Variants in JUND observed in about 807,000 individuals in gnomAD.
JUND encodes JunD proto-oncogene, AP-1 transcription factor subunit.
In JUND, 2 loss-of-function variants were observed where a neutral mutation model predicts 7.1. The ratio of observed to expected loss-of-function variants is 0.28; its 90% CI spans 0.11 to 0.88. JUND has a LOEUF of 0.88. Among genes scored for constraint, JUND ranks in the 40% least tolerant of loss-of-function variants. The probability of loss-of-function intolerance (pLI) is 0.60; values close to 1 mark genes in which losing one functional copy is unlikely to be tolerated. For synonymous variants in JUND, 335 were observed against 263.2 expected, an observed-to-expected ratio of 1.27 and a Z score of -2.64; for missense variants, 479 against 519.1, an observed-to-expected ratio of 0.92 and a Z score of 0.75.
chr19:18,281,550 C>T lies in JUND; in HGVS notation c.-66G>A, dbSNP rs1438158190. 1 of 784,286 alleles carries T rather than the reference C, an allele frequency of 1.3e-6. No individual in the cohort carries two copies. Among genetic ancestry groups the T allele is most frequent in the Non-Finnish European group, 1.6e-6 (1 of 624,294 alleles). 48.6% of individuals were successfully genotyped at this position (784,286 alleles called of 1,614,324 possible). ...CGCGGCCTCCCGGGGGGCCCGCGCC[C>T]CCCCGTCCGCTCGGCCCTGCGCCCG... On this transcript the variant is annotated 5_prime_UTR_variant, in exon 1 of 1. Transcript: ENST00000252818.
rs372128151 is a variant in JUND, at chr19:18,280,492, G to A, written c.993C>T (p.His331=). ...VAQLKQKVLS[H]VNSGCQLLPQ... ...GCAGCAGCTGGCAGCCGCTGTTGAC[G>A]TGGCTGAGGACTTTCTGCTTGAGCT... The change falls in exon 1 of 1, where the codon CAC becomes CAT. Residue 331 remains histidine, a synonymous_variant. Coordinates refer to ENST00000252818, the MANE Select transcript of JUND (RefSeq NM_005354.6). The surrounding 1 kb of genome is among the most constrained non-coding windows in gnomAD (Gnocchi z 4.1). 87 of 1,593,698 alleles carry A rather than the reference G, an allele frequency of 5.5e-5. No individual in the cohort carries two copies. In the East Asian group the frequency reaches 1.0e-3, roughly 19 times the overall value.
chr19:18,281,028 G>C lies in JUND; in HGVS notation c.457C>G (p.Leu153Val). 6.9e-7 allele frequency: 1 copy of C among 1,446,586 alleles called. No individual in the cohort carries two copies. Among genetic ancestry groups the C allele is most frequent in the Non-Finnish European group, 9.1e-7 (1 of 1,095,596 alleles). 89.6% of individuals were successfully genotyped at this position (1,446,586 alleles called of 1,614,324 possible). A position where few individuals can be genotyped will look rare whatever the true frequency, so the allele number is the denominator to read the frequency against. ...GCGGCAGCGGCCGCGCCCGCGCCGA[G>C]CTGGTTCTGCTTGTGTAAATCCTCC... Reference protein sequence around the residue: ...ALEDLHKQNQLGAGAAAAAAA... With the variant: ...ALEDLHKQNQVGAGAAAAAAA... The change falls in exon 1 of 1, where the codon CTC (leucine) becomes GTC (valine). Residue 153 changes from leucine (L) to valine (V), a missense_variant. Physicochemically the swap from Leu to Val is conservative, Grantham distance 32. Coordinates refer to ENST00000252818, the MANE Select transcript of JUND (RefSeq NM_005354.6).
In JUND at chr19:18,281,449, G is replaced by T. The variant is rs1250513376; in HGVS notation, c.36C>A (p.Ser12Arg). The change falls in exon 1 of 1, where the codon AGC becomes AGA. Residue 12 changes from serine to arginine, a missense_variant. Physicochemically the swap from Ser to Arg is moderately radical, Grantham distance 110. This residue lies in a region of JUND where 374 missense variants were observed against 365.4 expected (regional missense o/e 1.02). Transcript: ENST00000252818. ...ETPFYGDEAL[S>R]GLGGGASGSG... Reference sequence around the variant, plus strand: ...TGCCACTGGCGCCGCCGCCCAGGCCGCTCAGCGCCTCATCGCCGTAGAAGG... The same window carrying T: ...TGCCACTGGCGCCGCCGCCCAGGCCTCTCAGCGCCTCATCGCCGTAGAAGG... The T allele has an allele frequency of 2.6e-5, 36 of 1,369,838 alleles. No homozygotes were observed. Among genetic ancestry groups the T allele is most frequent in the Non-Finnish European group, 3.3e-5 (35 of 1,064,718 alleles). The allele number at this position is 1,369,838 out of a possible 1,614,324, so 84.9% of individuals were successfully genotyped here. A position where few individuals can be genotyped will look rare whatever the true frequency, so the allele number is the denominator to read the frequency against.
chr19:18,281,115 G>T lies in JUND; in HGVS notation c.370C>A (p.Leu124Ile). Residue 124 changes from leucine to isoleucine, a missense_variant, in exon 1 of 1, where the codon CTC becomes ATC. Leu to Ile is a conservative substitution (Grantham distance 5, BLOSUM62 2). This residue lies in a region of JUND where 374 missense variants were observed against 365.4 expected (regional missense o/e 1.02). Coordinates refer to ENST00000252818, the MANE Select transcript of JUND (RefSeq NM_005354.6). ...TCGCTGGCCGCCACCTTGGGGTAGA[G>T]GAACTGTGAGCTCGTCGGCGTGGTG... ...VTTTPTSSQFLYPKVAASEEQ... is the reference protein window; with the variant it reads ...VTTTPTSSQFIYPKVAASEEQ... 6.3e-7 allele frequency: 1 copy of T among 1,580,926 alleles called. No homozygotes were observed.
At position 18,281,147 on chromosome 19, in the gene JUND, AG is replaced by A. The variant is rs1355446661; in HGVS notation, c.337del (p.Leu113TrpfsTer85). ...LERLIIQSNG[L>X]VTTTPTSSQF... ...TGAGCTCGTCGGCGTGGTGGTGACC[AG>A]CCCGTTGGACTGGATGATGAGGCGC... On this transcript the variant is annotated frameshift_variant, in exon 1 of 1. Transcript: ENST00000252818. LOFTEE classifies it low-confidence loss of function (END_TRUNC). 6.4e-7 allele frequency: 1 copy of A among 1,574,606 alleles called. No individual in the cohort carries two copies. The highest frequency in any genetic ancestry group is 8.6e-7 in the Non-Finnish European group (1 of 1,167,878).
rs145024427 is a variant in JUND, at chr19:18,281,124, A to C, written c.361T>G (p.Ser121Ala). The C allele has an allele frequency of 6.3e-7, 1 of 1,579,348 alleles. No individual in the cohort carries two copies. The highest frequency in any genetic ancestry group is 2.4e-5 in the East Asian group (1 of 41,500). Residue 121 changes from serine to alanine, a missense_variant, in exon 1 of 1, where the codon TCA (serine) becomes GCA (alanine). Ser to Ala is a moderately conservative substitution (Grantham distance 99, BLOSUM62 1). Transcript: ENST00000252818. ...GCCACCTTGGGGTAGAGGAACTGTG[A>C]GCTCGTCGGCGTGGTGGTGACCAGC... is the stretch of plus-strand genomic sequence containing the variant. ...NGLVTTTPTS[S>A]QFLYPKVAAS... is the part of the protein sequence containing the mutation.
At position 18,280,404 on chromosome 19, in the gene JUND, T is replaced by A. The variant is rs1007609188; in HGVS notation, c.*37A>T. The A allele has an allele frequency of 1.5e-4, 222 of 1,523,738 alleles. No individual in the cohort carries two copies. The highest frequency in any genetic ancestry group is 1.9e-4 in the Non-Finnish European group (218 of 1,135,408). 94.4% of individuals were successfully genotyped at this position (1,523,738 alleles called of 1,614,324 possible). A position where few individuals can be genotyped will look rare whatever the true frequency, so the allele number is the denominator to read the frequency against. ...GACACCCCCCCGCGAGCCCGCCCCTTGGGGAGGGTGGCCGCGCATGCGCCC... is the reference window on the plus strand; with the variant it reads ...GACACCCCCCCGCGAGCCCGCCCCTAGGGGAGGGTGGCCGCGCATGCGCCC... On this transcript the variant is annotated 3_prime_UTR_variant, in exon 1 of 1. Transcript: ENST00000252818. The surrounding 1 kb of genome is among the most constrained non-coding windows in gnomAD (Gnocchi z 4.1).
Position 18,280,053 on chromosome 19 carries a change from G to GA in JUND, c.*387dup, listed in dbSNP as rs3075299. 37,451 of 202,702 alleles carry GA rather than the reference G, an allele frequency of 0.18. 3,428 individuals are homozygous for GA. Among genetic ancestry groups the GA allele is most frequent in the African/African-American group, 0.39 (15,196 of 38,640 alleles). The allele number at this position is 202,702 out of a possible 1,614,324, so 12.6% of individuals were successfully genotyped here. Reference sequence around the variant, plus strand: ...ACACTCTGTTCTTCTCTCTTCCAAAGAAAAAAAAAAAAAAGTAAAAGTAAA... The same window carrying GA: ...ACACTCTGTTCTTCTCTCTTCCAAAGAAAAAAAAAAAAAAAGTAAAAGTAAA... On this transcript the variant is annotated 3_prime_UTR_variant, in exon 1 of 1. Coordinates refer to ENST00000252818, the MANE Select transcript of JUND (RefSeq NM_005354.6). This position sits in a 1 kb window ranked among gnomAD's most constrained non-coding sequence, Gnocchi z 4.1.
chr19:18,281,408 G>C lies in JUND; in HGVS notation c.77C>G (p.Ala26Gly). Residue 26 changes from alanine to glycine, a missense_variant, in exon 1 of 1, where the codon GCG (alanine) becomes GGG (glycine). This residue lies in a region of JUND where 374 missense variants were observed against 365.4 expected (regional missense o/e 1.02). Transcript: ENST00000252818. ...CCCGGGGAACAAGCGGCCCGGGGAC[G>C]CGAAGCTGCCGCCGCTGCCACTGGC... ...GGASGSGGSF[A>G]SPGRLFPGAP... 2 of 1,351,706 alleles carry C rather than the reference G, an allele frequency of 1.5e-6. No individual in the cohort carries two copies. The highest frequency in any genetic ancestry group is 2.7e-4 in the Middle Eastern group (1 of 3,710). The allele number at this position is 1,351,706 out of a possible 1,614,324, so 83.7% of individuals were successfully genotyped here.
rs1969928876 is a variant in JUND, at chr19:18,280,743, C to T, written c.742G>A (p.Asp248Asn). 1 of 1,607,186 alleles carries T rather than the reference C, an allele frequency of 6.2e-7. No homozygotes were observed. Among genetic ancestry groups the T allele is most frequent in the South Asian group, 1.1e-5 (1 of 90,896 alleles). Residue 248 changes from aspartate to asparagine, a missense_variant, in exon 1 of 1, where the codon GAC becomes AAC. Asp to Asn is a conservative substitution (Grantham distance 23, BLOSUM62 1). Transcript: ENST00000252818. This position sits in a 1 kb window ranked among gnomAD's most constrained non-coding sequence, Gnocchi z 4.1. The stretch of plus-strand genomic sequence containing the variant: ...GGGCTCTCGCCGAAGCTCGGCACGT[C>T]GGGCACCGTCTGTGGCTCGTCCTTG... ...ALKDEPQTVPDVPSFGESPPL... is the reference protein window; with the variant it reads ...ALKDEPQTVPNVPSFGESPPL...
rs1311170766 is a variant in JUND at position 18,281,564 on chromosome 19, G to A, written c.-80C>T. Reference sequence around the variant, plus strand: ...GGGCCCGCGCCCCCCCGTCCGCTCGGCCCTGCGCCCGCCCCGGCCGCGGCC... The same window carrying A: ...GGGCCCGCGCCCCCCCGTCCGCTCGACCCTGCGCCCGCCCCGGCCGCGGCC... On this transcript the variant is annotated 5_prime_UTR_variant, in exon 1 of 1. Coordinates refer to ENST00000252818, the MANE Select transcript of JUND (RefSeq NM_005354.6). 2 of 530,540 alleles carry A rather than the reference G, an allele frequency of 3.8e-6. No homozygotes were observed. Among genetic ancestry groups the A allele is most frequent in the African/African-American group, 2.1e-5 (1 of 47,894 alleles). 32.9% of individuals were successfully genotyped at this position (530,540 alleles called of 1,614,324 possible). A position where few individuals can be genotyped will look rare whatever the true frequency, so the allele number is the denominator to read the frequency against.
chr19:18,280,699 G>C lies in JUND; in HGVS notation c.786C>G (p.Asp262Glu), dbSNP rs1314326522. The C allele has an allele frequency of 6.2e-7, 1 of 1,612,246 alleles. No homozygotes were observed. The highest frequency in any genetic ancestry group is 8.5e-7 in the Non-Finnish European group (1 of 1,179,746). The change falls in exon 1 of 1, where the codon GAC becomes GAG. Residue 262 changes from aspartate to glutamate, a missense_variant. By Grantham distance (45) the Asp-to-Glu change is conservative. Around this residue, in one of 3 missense-constraint regions of JUND, gnomAD observed 63 missense variants for 116.6 expected, o/e 0.54. Coordinates refer to ENST00000252818, the MANE Select transcript of JUND (RefSeq NM_005354.6). This position sits in a 1 kb window ranked among gnomAD's most constrained non-coding sequence, Gnocchi z 4.1. ...FGESPPLSPI[D>E]MDTQERIKAE... Reference sequence around the variant, plus strand: ...CCTTGATGCGCTCCTGCGTGTCCATGTCGATGGGCGACAACGGCGGGCTCT... The same window carrying C: ...CCTTGATGCGCTCCTGCGTGTCCATCTCGATGGGCGACAACGGCGGGCTCT...
In JUND at chr19:18,281,367, C is replaced by A. The variant is rs866821101; in HGVS notation, c.118G>T (p.Ala40Ser). 3 of 1,341,892 alleles carry A rather than the reference C, an allele frequency of 2.2e-6. No homozygotes were observed. The African/African-American group carries it at 4.6e-5, about 21-fold the overall frequency. 83.1% of individuals were successfully genotyped at this position (1,341,892 alleles called of 1,614,324 possible). A position where few individuals can be genotyped will look rare whatever the true frequency, so the allele number is the denominator to read the frequency against. Residue 40 changes from alanine (A) to serine (S), a missense_variant, in exon 1 of 1, where the codon GCG becomes TCG. By Grantham distance (99) the Ala-to-Ser change is moderately conservative (BLOSUM62 1). Around this residue, in one of 3 missense-constraint regions of JUND, gnomAD observed 374 missense variants for 365.4 expected, o/e 1.02. Coordinates refer to ENST00000252818, the MANE Select transcript of JUND (RefSeq NM_005354.6). ...RLFPGAPPTA[A>S]AGSMMKKDAL... ...TCCTTCTTCATCATGCTGCCGGCCG[C>A]GGCCGTCGGGGGCGCCCCGGGGAAC...
chr19:18,280,863 C>T lies in JUND; in HGVS notation c.622G>A (p.Gly208Arg). 1 of 1,309,832 alleles carries T rather than the reference C, an allele frequency of 7.6e-7. No individual in the cohort carries two copies. Among genetic ancestry groups the T allele is most frequent in the Non-Finnish European group, 9.6e-7 (1 of 1,040,466 alleles). The allele number at this position is 1,309,832 out of a possible 1,614,324, so 81.1% of individuals were successfully genotyped here. Residue 208 changes from glycine to arginine, a missense_variant, in exon 1 of 1, where the codon GGG (glycine) becomes AGG (arginine). Around this residue, in one of 3 missense-constraint regions of JUND, gnomAD observed 374 missense variants for 365.4 expected, o/e 1.02. Coordinates refer to ENST00000252818, the MANE Select transcript of JUND (RefSeq NM_005354.6). This position sits in a 1 kb window ranked among gnomAD's most constrained non-coding sequence, Gnocchi z 4.1. ...GCGAAGGCGACCGTCGCGGCGCCCC[C>T]CGCGCCCCCGGCGCCGCCCGCGTAG... is the stretch of plus-strand genomic sequence containing the variant. ...SSYAGGAGGA[G>R]GAATVAFAAE...
chr19:18,281,472 A>G lies in JUND; in HGVS notation c.13T>C (p.Phe5Leu). The G allele has an allele frequency of 3.7e-6, 5 of 1,335,414 alleles. No individual in the cohort carries two copies. The highest frequency in any genetic ancestry group is 4.8e-6 in the Non-Finnish European group (5 of 1,046,786). 82.7% of individuals were successfully genotyped at this position (1,335,414 alleles called of 1,614,324 possible). A position where few individuals can be genotyped will look rare whatever the true frequency, so the allele number is the denominator to read the frequency against. Residue 5 changes from phenylalanine (F) to leucine (L), a missense_variant, in exon 1 of 1, where the codon TTC becomes CTC. Coordinates refer to ENST00000252818, the MANE Select transcript of JUND (RefSeq NM_005354.6). ...CCGCTCAGCGCCTCATCGCCGTAGA[A>G]GGGTGTTTCCATCCTCCGCCTCCCC... METP[F>L]YGDEALSGLG...
At position 18,280,491 on chromosome 19, in the gene JUND, C is replaced by A. The variant is rs754051201; in HGVS notation, c.994G>T (p.Val332Phe). The change falls in exon 1 of 1, where the codon GTC (valine) becomes TTC (phenylalanine). Residue 332 changes from valine to phenylalanine, a missense_variant. Physicochemically the swap from Val to Phe is conservative, Grantham distance 50. This residue lies in a region of JUND where 42 missense variants were observed against 37.1 expected (regional missense o/e 1.13). Coordinates refer to ENST00000252818, the MANE Select transcript of JUND (RefSeq NM_005354.6). The surrounding 1 kb of genome is among the most constrained non-coding windows in gnomAD (Gnocchi z 4.1). ...GGCAGCAGCTGGCAGCCGCTGTTGACGTGGCTGAGGACTTTCTGCTTGAGC... is the reference window on the plus strand; with the variant it reads ...GGCAGCAGCTGGCAGCCGCTGTTGAAGTGGCTGAGGACTTTCTGCTTGAGC... Reference protein sequence around the residue: ...AQLKQKVLSHVNSGCQLLPQH... With the variant: ...AQLKQKVLSHFNSGCQLLPQH... 1.3e-5 allele frequency: 20 copies of A among 1,592,642 alleles called. No homozygotes were observed. The highest frequency in any genetic ancestry group is 1.6e-5 in the Non-Finnish European group (19 of 1,170,180).
rs1215471842 is a variant in JUND at position 18,280,962 on chromosome 19, C to T, written c.523G>A (p.Gly175Ser). 1 of 1,070,698 alleles carries T rather than the reference C, an allele frequency of 9.3e-7. No individual in the cohort carries two copies. The highest frequency in any genetic ancestry group is 1.1e-6 in the Non-Finnish European group (1 of 892,054). The allele number at this position is 1,070,698 out of a possible 1,614,324, so 66.3% of individuals were successfully genotyped here. A position where few individuals can be genotyped will look rare whatever the true frequency, so the allele number is the denominator to read the frequency against. ...GCCAGCTCGCCGGGGGGCGCGGAGC[C>T]CGTGGCCGTGCCCGAGGGCCCCCCG... ...AAGGPSGTAT[G>S]SAPPGELAPA... is the part of the protein sequence containing the mutation. Residue 175 changes from glycine (G) to serine (S), a missense_variant, in exon 1 of 1, where the codon GGC (glycine) becomes AGC (serine). By Grantham distance (56) the Gly-to-Ser change is moderately conservative. Around this residue, in one of 3 missense-constraint regions of JUND, gnomAD observed 374 missense variants for 365.4 expected, o/e 1.02. Transcript: ENST00000252818. This position sits in a 1 kb window ranked among gnomAD's most constrained non-coding sequence, Gnocchi z 4.1.
chr19:18,281,116 G>T lies in JUND; in HGVS notation c.369C>A (p.Phe123Leu). ...LVTTTPTSSQ[F>L]LYPKVAASEE... ...CGCTGGCCGCCACCTTGGGGTAGAGGAACTGTGAGCTCGTCGGCGTGGTGG... is the reference window on the plus strand; with the variant it reads ...CGCTGGCCGCCACCTTGGGGTAGAGTAACTGTGAGCTCGTCGGCGTGGTGG... Residue 123 changes from phenylalanine (F) to leucine (L), a missense_variant, in exon 1 of 1, where the codon TTC becomes TTA. Coordinates refer to ENST00000252818, the MANE Select transcript of JUND (RefSeq NM_005354.6). 1 of 1,580,904 alleles carries T rather than the reference G, an allele frequency of 6.3e-7. No individual in the cohort carries two copies.
rs1216382242 is a variant in JUND, at chr19:18,281,038, C to T, written c.447G>A (p.Lys149=). Residue 149 remains lysine (K), a synonymous_variant, in exon 1 of 1, where the codon AAG becomes AAA. Coordinates refer to ENST00000252818, the MANE Select transcript of JUND (RefSeq NM_005354.6). ...GFVKALEDLH[K]QNQLGAGAAA... ...CCGCGCCCGCGCCGAGCTGGTTCTG[C>T]TTGTGTAAATCCTCCAGGGCCTTGA... 2.7e-6 allele frequency: 4 copies of T among 1,504,690 alleles called. No homozygotes were observed. Among genetic ancestry groups the T allele is most frequent in the Admixed American group, 2.0e-5 (1 of 50,114 alleles). 93.2% of individuals were successfully genotyped at this position (1,504,690 alleles called of 1,614,324 possible).
Sources: allele counts gnomAD v4.1 joint callset, GRCh38; gene constraint gnomAD v4.1.1; regional missense constraint gnomAD v4.1.1; non-coding constraint Gnocchi (gnomAD v3.1); transcripts MANE v1.5; gene names NCBI Gene and HGNC (gene_info 2026-07-23, HGNC 2026-07-21).